The following CSNK1G1 variants were observed in gnomAD, a reference collection of about 807,000 sequenced individuals.
The protein encoded by CSNK1G1 is casein kinase 1 gamma 1.
A neutral mutation model predicts 59.6 loss-of-function variants in CSNK1G1; 22 were observed. The ratio of observed to expected loss-of-function variants is 0.37; its 90% CI spans 0.26 to 0.53. The LOEUF (loss-of-function observed/expected upper bound fraction) is 0.53, where lower values mean the gene tolerates loss of function less well. Among genes scored for constraint, CSNK1G1 ranks in the 20% least tolerant of loss-of-function variants. The pLI, the probability that CSNK1G1 is intolerant of heterozygous loss-of-function variation, is 0.89. For synonymous variants in CSNK1G1, 179 were observed against 177.1 expected (o/e 1.01, Z -0.08); for missense variants, 384 against 519.5 (o/e 0.74, Z 2.54).
intron 10 of CSNK1G1, among the ~76,000 whole-genome samples, chr15:64,192,627 G>A (rs1174110079): frequency 6.6e-6 from 1 of 151,966 alleles, no homozygotes; most frequent in Non-Finnish European, 1.5e-5. Context: ...GGGAGGCTGA[G>A]GGGGGCGGAT....
intron 2 of CSNK1G1, among the ~76,000 whole-genome samples, chr15:64,262,298 CAG>C (rs1566924293): frequency 2.6e-5 from 4 of 152,186 alleles, no homozygotes; most frequent in Admixed American, 6.5e-5. Context: ...AGTGTTAAAA[CAG>C]AAATACAAAT....
chr15:64,257,993 C>G (rs1168215552), intron 3 of CSNK1G1, among the ~76,000 whole-genome samples: 1 of 152,294 alleles, frequency 6.6e-6, no homozygotes, highest in African/African-American at 2.4e-5. Flanking sequence ...GTCCACCCAC[C>G]CCTTTGTAGG....
intron 2 of CSNK1G1, among the ~76,000 whole-genome samples, chr15:64,273,468 G>A (rs1893437882): frequency 6.6e-6 from 1 of 152,154 alleles, no homozygotes; most frequent in South Asian, 2.1e-4. Context: ...ACTGCAAGGT[G>A]CTAGATAAGT....
intron 2 of CSNK1G1, among the ~76,000 whole-genome samples, chr15:64,280,099 A>G (rs1263877353): frequency 2.0e-5 from 3 of 152,332 alleles, no homozygotes; most frequent in East Asian, 1.9e-4. Flanking sequence ...ATAAGAAAGC[A>G]TAAGTTCTCC....
chr15:64,278,428 A>T (rs1332413094), intron 2 of CSNK1G1, among the ~76,000 whole-genome samples: 5,859 of 113,046 alleles, frequency 0.052, 166 homozygotes, highest in South Asian at 0.085. Context: ...GTATATATAT[A>T]TATATTTTTT....
intron 10 of CSNK1G1, among the ~76,000 whole-genome samples, 157 bp downstream of exon 10, chr15:64,202,925 A>C (rs1024700271): frequency 2.0e-5 from 3 of 152,180 alleles, no homozygotes; most frequent in African/African-American, 7.2e-5. Flanking sequence ...ACATGCCCTG[A>C]GGGTTGCTTG....
At position 64,300,425 on chromosome 15, in the gene CSNK1G1, G is replaced by A. The variant is rs769861488; in HGVS notation, c.75C>T (p.Cys25=). 229 of 1,614,056 alleles carry A rather than the reference G, an allele frequency of 1.4e-4. No homozygotes were observed. The highest frequency in any genetic ancestry group is 1.9e-4 in the Non-Finnish European group (223 of 1,180,028). The change falls in exon 2 of 12, where the codon TGC becomes TGT. Residue 25 remains cysteine, a synonymous_variant. Transcript: ENST00000303052. ...ACGATGAGGAGCCAGATGGTCGAGA[G>A]CAGTGTGCACTCCTTTGTGCCATGG... ...TKPMAQRSAH[C]SRPSGSSSSS...
At chr15:64,265,876 G>C (rs1363425783) in intron 2 of CSNK1G1, 1 of 454,366 alleles carries the variant, frequency 2.2e-6, no homozygotes, top group Admixed American at 2.4e-5. Context: ...TTCAGGCCAG[G>C]AGTTTGAGAG....
chr15:64,295,693 A>C (rs1421602004), intron 2 of CSNK1G1, among the ~76,000 whole-genome samples: 2 of 152,236 alleles, frequency 1.3e-5, no homozygotes, highest in Non-Finnish European at 2.9e-5. Flanking sequence ...TATTACAATT[A>C]GAGCAAAATC....
intron 2 of CSNK1G1, among the ~76,000 whole-genome samples, chr15:64,289,279 G>C (rs749100296): frequency 4.0e-5 from 6 of 151,742 alleles, no homozygotes; most frequent in African/African-American, 1.5e-4. Flanking sequence ...GCATAATCTT[G>C]CAAGTATTGT....
chr15:64,242,206 A>G (rs576798596), intron 4 of CSNK1G1, among the ~76,000 whole-genome samples: 54 of 152,322 alleles, frequency 3.5e-4, no homozygotes, highest in African/African-American at 1.3e-3. Context: ...GCAGTAACTT[A>G]TTCCATCAAA....
chr15:64,269,368 T>C (rs1893154764), intron 2 of CSNK1G1, among the ~76,000 whole-genome samples: 1 of 152,168 alleles, frequency 6.6e-6, no homozygotes, highest in African/African-American at 2.4e-5. Flanking sequence ...TCATTCTTGG[T>C]GTGTTCAGGA....
rs530664815 is a variant in CSNK1G1, at chr15:64,201,480, A to G, written c.1107+1602T>C. On this transcript the variant is annotated intron_variant, in intron 10 of 11. Transcript: ENST00000303052. ...TCAAACCAGAAGTCAGTCAAATTAT[A>G]AATCTTAAACAACGACTTTAAAGGA... is the stretch of plus-strand genomic sequence containing the variant. 2.6e-4 allele frequency among the ~76,000 whole-genome samples: 39 copies of G among 152,292 alleles called. No individual in the cohort carries two copies. In the South Asian group the frequency reaches 8.1e-3, roughly 32 times the overall value.
intron 6 of CSNK1G1, among the ~76,000 whole-genome samples, chr15:64,212,659 T>C (rs1484684545): frequency 3.9e-5 from 6 of 152,232 alleles, no homozygotes; most frequent in Non-Finnish European, 8.8e-5. Flanking sequence ...TAGTGAGCTA[T>C]GATCACACTG....
Position 64,218,551 on chromosome 15 carries a change from A to AT in CSNK1G1, c.293-1839dup, listed in dbSNP as rs1189929809. Among the ~76,000 whole-genome samples, 245 of 149,726 alleles carry AT rather than the reference A, an allele frequency of 1.6e-3. 1 individual carries two copies. The highest frequency in any genetic ancestry group is 5.6e-3 in the African/African-American group (230 of 40,800). ...GAGATTACAGGCATGGTGTCCACCA[A>AT]TTTTTTTTTGCATTTTTTGGAGAGA... On this transcript the variant is annotated intron_variant, in intron 4 of 11. Coordinates refer to ENST00000303052, the MANE Select transcript of CSNK1G1 (RefSeq NM_022048.5).
At position 64,245,344 on chromosome 15, in the gene CSNK1G1, AC is replaced by A. The variant is rs558025124; in HGVS notation, c.292+6167del. 2.7e-4 allele frequency among the ~76,000 whole-genome samples: 41 copies of A among 152,344 alleles called. No homozygotes were observed. In the East Asian group the frequency reaches 7.5e-3, roughly 28 times the overall value. On this transcript the variant is annotated intron_variant, in intron 4 of 11. Transcript: ENST00000303052. Reference sequence around the variant, plus strand: ...ATAAGAGAAAATATAATATATGCAAACCATGTATCTAATAAGGGATTAATTA... The same window carrying A: ...ATAAGAGAAAATATAATATATGCAAACATGTATCTAATAAGGGATTAATTA...
rs187589336 is a variant in CSNK1G1 at position 64,295,347 on chromosome 15, A to C, written c.181+4972T>G. 1.5e-3 allele frequency among the ~76,000 whole-genome samples: 221 copies of C among 152,324 alleles called. 1 individual carries two copies. The highest frequency in any genetic ancestry group is 5.2e-3 in the African/African-American group (215 of 41,566). Reference sequence around the variant, plus strand: ...AAAAAATTTGCAGCTTCCGGCATAAATGGGTTTACATCTTCCTCATTTATA... The same window carrying C: ...AAAAAATTTGCAGCTTCCGGCATAACTGGGTTTACATCTTCCTCATTTATA... On this transcript the variant is annotated intron_variant, in intron 2 of 11. Transcript: ENST00000303052.
intron 2 of CSNK1G1, among the ~76,000 whole-genome samples, chr15:64,284,400 C>T (rs1295052433): frequency 1.3e-5 from 2 of 152,112 alleles, no homozygotes; most frequent in African/African-American, 4.8e-5. Flanking sequence ...TGTACTTCAA[C>T]TTGGGGAGTG....
intron 4 of CSNK1G1, among the ~76,000 whole-genome samples, chr15:64,224,013 C>T (rs541661416): frequency 3.9e-5 from 6 of 152,176 alleles, no homozygotes; most frequent in Non-Finnish European, 7.3e-5. Flanking sequence ...AAATGCACAT[C>T]AGGTTGAGAA....
Sources: gnomAD v4.1 joint callset for allele counts (sites outside exome capture counted in the v4.1 genomes callset) on GRCh38, gnomAD v4.1.1 for gene constraint, MANE v1.5 for transcripts, NCBI Gene and HGNC (gene_info 2026-07-23, HGNC 2026-07-21) for gene names.